ZCCHC4: variants seen among roughly 807,000 people sequenced by gnomAD.
The protein encoded by ZCCHC4 is zinc finger CCHC-type containing 4, also known as rRNA N(6)-adenosine-methyltransferase ZCCHC4.
In ZCCHC4, 54 loss-of-function variants were observed where a neutral mutation model predicts 67.7. The ratio of observed to expected loss-of-function variants is 0.80; its 90% CI spans 0.64 to 1.00. The LOEUF (loss-of-function observed/expected upper bound fraction) is 1.00. Among genes scored for constraint, ZCCHC4 ranks in the 50% least tolerant of loss-of-function variants. The probability of loss-of-function intolerance (pLI) is 0.00; values close to 1 mark genes in which losing one functional copy is unlikely to be tolerated. For missense variants in ZCCHC4, 609 were observed against 617.0 expected (o/e 0.99, Z 0.14); for synonymous variants, 198 against 213.5 (o/e 0.93, Z 0.63).
chr4:25,326,404 C>A (rs2109057571), intron 3 of ZCCHC4, among the ~76,000 whole-genome samples: 1 of 152,334 alleles, frequency 6.6e-6, no homozygotes, highest in South Asian at 2.1e-4. Flanking sequence ...CTCTTTGGTC[C>A]TATATGTGTA....
intron 6 of ZCCHC4, among the ~76,000 whole-genome samples, chr4:25,346,498 A>G (rs963893514): frequency 2.0e-5 from 3 of 152,204 alleles, no homozygotes; most frequent in Admixed American, 6.5e-5. Context: ...CTTACTATGT[A>G]TTGTGCTTTG....
chr4:25,352,537 T>A, intron 8 of ZCCHC4: 1 of 332,524 alleles, frequency 3.0e-6, no homozygotes, highest in Non-Finnish European at 4.3e-6. Flanking sequence ...GCCTCCTGAG[T>A]AGCTGGGACT....
In ZCCHC4 at chr4:25,345,657, T is replaced by C. The variant is rs1017960173; in HGVS notation, c.759+37T>C. 3 of 1,381,954 alleles carry C rather than the reference T, an allele frequency of 2.2e-6. No individual in the cohort carries two copies. The African/African-American group carries it at 4.3e-5, about 20-fold the overall frequency. 85.6% of individuals were successfully genotyped at this position (1,381,954 alleles called of 1,614,324 possible). A position where few individuals can be genotyped will look rare whatever the true frequency, so the allele number is the denominator to read the frequency against. ...GACCATTATCTCATTGTTCTCTTAT[T>C]GTGGAATAACAGATTTCAGAGTGCC... On this transcript the variant is annotated intron_variant, in intron 6 of 12. Transcript: ENST00000302874.
intron 8 of ZCCHC4, among the ~76,000 whole-genome samples, chr4:25,357,351 T>C (rs565226003): frequency 6.6e-6 from 1 of 152,370 alleles, no homozygotes; most frequent in South Asian, 2.1e-4. Context: ...GCTTCAAATG[T>C]GATCTAACCT....
chr4:25,315,117 T>A (rs1718184189), intron 2 of ZCCHC4, among the ~76,000 whole-genome samples: 1 of 152,222 alleles, frequency 6.6e-6, no homozygotes, highest in Admixed American at 6.5e-5. Context: ...CATATGTTAA[T>A]CTCTCAGTGC....
rs567561944 is a variant in ZCCHC4, at chr4:25,356,098, A to G, written c.1011+4409A>G. On this transcript the variant is annotated intron_variant, in intron 8 of 12. Transcript: ENST00000302874. Reference sequence around the variant, plus strand: ...CATGTTACAGAAGACATTTGCGTATAGATAAAATTAAAAATTGGAAATTGC... The same window carrying G: ...CATGTTACAGAAGACATTTGCGTATGGATAAAATTAAAAATTGGAAATTGC... Among the ~76,000 whole-genome samples the G allele has an allele frequency of 3.3e-5, 5 of 152,352 alleles. 1 individual carries two copies. In the South Asian group the frequency reaches 1.0e-3, roughly 32 times the overall value.
intron 3 of ZCCHC4, among the ~76,000 whole-genome samples, chr4:25,324,014 G>GTTTTTTTTTTTTGTT (rs1553895904): frequency 2.4e-5 from 2 of 82,448 alleles, no homozygotes; most frequent in Non-Finnish European, 4.3e-5. Flanking sequence ...TGTTTTTTGT[G>GTTTTTTTTTTTTGTT]TTTTTTTTTT....
Position 25,333,968 on chromosome 4 carries a change from T to C in ZCCHC4, c.666T>C (p.Leu222=). The part of the protein sequence containing the change: ...SGDKKSNIKS[L]LLDIDFRYSQ... ...ACAAGAAGTCTAACATTAAAAGCCT[T>C]TTATTGGATATTGATTTTCGGTAGG... The change falls in exon 5 of 13, where the codon CTT becomes CTC. Residue 222 remains leucine (L), a synonymous_variant. Coordinates refer to ENST00000302874, the MANE Select transcript of ZCCHC4 (RefSeq NM_024936.3). 6.2e-7 allele frequency: 1 copy of C among 1,603,202 alleles called. No homozygotes were observed. Among genetic ancestry groups the C allele is most frequent in the Non-Finnish European group, 8.5e-7 (1 of 1,177,204 alleles).
At chr4:25,348,048 ACAT>A (rs1720108902) in intron 6 of ZCCHC4, among the ~76,000 whole-genome samples, 1 of 152,200 alleles carries the variant, frequency 6.6e-6, no homozygotes, top group Admixed American at 6.5e-5. Flanking sequence ...TAGGAGTTAG[ACAT>A]CATTTACTTG....
chr4:25,361,640 C>T, intron 8 of ZCCHC4: 2 of 496,308 alleles, frequency 4.0e-6, no homozygotes, highest in Non-Finnish European at 7.1e-6. Flanking sequence ...GAGAAAAAGC[C>T]ATGTCGAAAC....
intron 5 of ZCCHC4, among the ~76,000 whole-genome samples, chr4:25,342,516 A>T (rs1448256864): frequency 6.6e-6 from 1 of 152,214 alleles, no homozygotes; most frequent in Non-Finnish European, 1.5e-5. Flanking sequence ...GCAAACTATT[A>T]TCCAAATAAA....
chr4:25,351,579 G>T lies in ZCCHC4; in HGVS notation c.911-10G>T. The T allele has an allele frequency of 2.6e-6, 4 of 1,558,778 alleles. No individual in the cohort carries two copies. Among genetic ancestry groups the T allele is most frequent in the South Asian group, 2.4e-5 (2 of 82,914 alleles). On this transcript the variant is annotated splice_polypyrimidine_tract_variant and intron_variant, in intron 7 of 12. Transcript: ENST00000302874. ...TTTACTATTATTTTTTCCTTTTTGT[G>T]ATCCATTAGATGACAGTCACAAAGA...
intron 3 of ZCCHC4, among the ~76,000 whole-genome samples, chr4:25,316,769 T>G: frequency 6.6e-6 from 1 of 152,362 alleles, no homozygotes; most frequent in African/African-American, 2.4e-5. Context: ...AGGTTGTCTT[T>G]TGACTTTCTT....
chr4:25,350,636 T>A (rs1035490234), intron 7 of ZCCHC4, among the ~76,000 whole-genome samples: 2 of 152,208 alleles, frequency 1.3e-5, no homozygotes, highest in South Asian at 2.1e-4. Context: ...CGCAAGTTGA[T>A]AAATTTGTTA....
In ZCCHC4 at chr4:25,361,884, A is replaced by G. The variant is rs1720753304; in HGVS notation, c.1037A>G (p.Tyr346Cys). Reference sequence around the variant, plus strand: ...GTAGATTATGATAATCATGCACTTTATAAACACGGAAAGACAGGTCGAAAA... The same window carrying G: ...GTAGATTATGATAATCATGCACTTTGTAAACACGGAAAGACAGGTCGAAAA... ...YQVDYDNHAL[Y>C]KHGKTGRKQS... Residue 346 changes from tyrosine (Y) to cysteine (C), a missense_variant, in exon 9 of 13, where the codon TAT (tyrosine) becomes TGT (cysteine). Coordinates refer to ENST00000302874, the MANE Select transcript of ZCCHC4 (RefSeq NM_024936.3). 2 of 1,613,164 alleles carry G rather than the reference A, an allele frequency of 1.2e-6. No individual in the cohort carries two copies. Among genetic ancestry groups the G allele is most frequent in the African/African-American group, 1.3e-5 (1 of 74,916 alleles).
At chr4:25,328,383 G>T (rs1417728867) in intron 3 of ZCCHC4, among the ~76,000 whole-genome samples, 3 of 151,992 alleles carry the variant, frequency 2.0e-5, no homozygotes, top group African/African-American at 7.3e-5. Flanking sequence ...GGGATCACAG[G>T]CACCCACCAC....
At chr4:25,363,515 G>T (rs1720832166) in intron 10 of ZCCHC4, among the ~76,000 whole-genome samples, 1 of 152,122 alleles carries the variant, frequency 6.6e-6, no homozygotes, top group Non-Finnish European at 1.5e-5. Flanking sequence ...AACTAAATCT[G>T]GTCAGAAAGG....
intron 6 of ZCCHC4, among the ~76,000 whole-genome samples, chr4:25,349,225 T>TTA (rs1720167976): frequency 6.6e-6 from 1 of 152,218 alleles, no homozygotes; most frequent in Non-Finnish European, 1.5e-5. Flanking sequence ...AGCCTTTTAA[T>TTA]TTAACCATTT....
chr4:25,323,990 C>T (rs964578002), intron 3 of ZCCHC4, among the ~76,000 whole-genome samples: 3 of 117,812 alleles, frequency 2.5e-5, no homozygotes, highest in South Asian at 2.6e-4. Context: ...TAAAGGTAAT[C>T]GTACAGTATG....
Sources: allele counts gnomAD v4.1 joint callset (sites outside exome capture counted in the v4.1 genomes callset), GRCh38; gene constraint gnomAD v4.1.1; transcripts MANE v1.5; gene names NCBI Gene and HGNC (gene_info 2026-07-23, HGNC 2026-07-21).